Variants in BLTP3B observed in about 807,000 individuals in gnomAD.
The protein encoded by BLTP3B is bridge-like lipid transfer protein family member 3B.
the BLTP3B span, among the ~76,000 whole-genome samples, chr12:100,046,877 G>A: frequency 6.6e-6 from 1 of 152,106 alleles, no homozygotes; most frequent in Admixed American, 6.5e-5. Flanking sequence ...GAAGTGCAAG[G>A]TAAGTACCAT....
At chr12:100,058,866 T>C in the BLTP3B span, 1 of 1,613,856 alleles carries the variant, frequency 6.2e-7, no homozygotes. Flanking sequence ...GAGATGAATA[T>C]CTGCCTCTGA....
chr12:100,115,764 A>G, the BLTP3B span, among the ~76,000 whole-genome samples: 1 of 150,926 alleles, frequency 6.6e-6, no homozygotes, highest in Non-Finnish European at 1.5e-5. Context: ...CCTGTCTGGG[A>G]AAAAAAAACA....
At chr12:100,089,027 A>C in the BLTP3B span, 1 of 1,611,694 alleles carries the variant, frequency 6.2e-7, no homozygotes, top group Non-Finnish European at 8.5e-7. Flanking sequence ...CAATTGCATC[A>C]TTTACATCAG....
chr12:100,094,755 G>C, the BLTP3B span, among the ~76,000 whole-genome samples: 4 of 152,188 alleles, frequency 2.6e-5, no homozygotes, highest in Non-Finnish European at 5.9e-5. Context: ...AGCTACGCGG[G>C]GGGCTGAGGC....
At chr12:100,093,573 C>A in the BLTP3B span, among the ~76,000 whole-genome samples, 1 of 152,134 alleles carries the variant, frequency 6.6e-6, no homozygotes, top group Admixed American at 6.5e-5. Context: ...GTTTTTACCC[C>A]CTTCCTGTTC....
chr12:100,043,996 T>TA, the BLTP3B span, among the ~76,000 whole-genome samples: 3 of 152,172 alleles, frequency 2.0e-5, no homozygotes, highest in Admixed American at 2.0e-4. Flanking sequence ...GACTTTTTTT[T>TA]AAAGAACTAT....
chr12:100,092,736 T>A, the BLTP3B span: 1 of 178,828 alleles, frequency 5.6e-6, no homozygotes, highest in African/African-American at 2.4e-5. Flanking sequence ...AATCTATTAG[T>A]CTTTAACTAC....
At chr12:100,080,490 G>A in the BLTP3B span, among the ~76,000 whole-genome samples, 1 of 151,926 alleles carries the variant, frequency 6.6e-6, no homozygotes, top group Non-Finnish European at 1.5e-5. Context: ...TGTGAAACAT[G>A]GAGTCAAAGG....
At chr12:100,076,943 G>A in the BLTP3B span, among the ~76,000 whole-genome samples, 1 of 152,048 alleles carries the variant, frequency 6.6e-6, no homozygotes, top group East Asian at 1.9e-4. Flanking sequence ...TTTGTGTTTG[G>A]TGTGGTTGCG....
chr12:100,109,869 A>C, the BLTP3B span, among the ~76,000 whole-genome samples: 2 of 152,152 alleles, frequency 1.3e-5, no homozygotes, highest in Non-Finnish European at 2.9e-5. Context: ...TGACTATTTC[A>C]TTTAGTTCCC....
At chr12:100,097,873 T>C in the BLTP3B span, among the ~76,000 whole-genome samples, 2 of 152,136 alleles carry the variant, frequency 1.3e-5, no homozygotes, top group Admixed American at 6.6e-5. Context: ...AAAGATTTAC[T>C]AGAGTAAAGA....
chr12:100,048,473 T>C, the BLTP3B span, among the ~76,000 whole-genome samples: 1 of 152,026 alleles, frequency 6.6e-6, no homozygotes, highest in Non-Finnish European at 1.5e-5. Context: ...CCTCAGATAC[T>C]TAGTGTGTGT....
the BLTP3B span, among the ~76,000 whole-genome samples, chr12:100,112,438 T>A: frequency 2.0e-5 from 3 of 152,072 alleles, no homozygotes; most frequent in African/African-American, 7.2e-5. Context: ...GCCTGGGAGG[T>A]CAAGGCTGCA....
the BLTP3B span, chr12:100,037,415 A>T: frequency 7.8e-7 from 1 of 1,275,234 alleles, no homozygotes; most frequent in Non-Finnish European, 9.9e-7. Context: ...CAACAGCTTA[A>T]AAGAGGGTTA....
At chr12:100,051,038 T>C in the BLTP3B span, 1 of 1,601,126 alleles carries the variant, frequency 6.2e-7, no homozygotes, top group Non-Finnish European at 8.5e-7. Flanking sequence ...ATAAAGTTGG[T>C]GGCATTTATC....
the BLTP3B span, among the ~76,000 whole-genome samples, chr12:100,140,729 A>AATATATAT: frequency 1.5e-3 from 93 of 61,438 alleles, no homozygotes; most frequent in African/African-American, 2.7e-3. Flanking sequence ...AAAAAAAAAA[A>AATATATAT]ATATATATAT....
chr12:100,072,836 T>C, the BLTP3B span: 2 of 1,578,834 alleles, frequency 1.3e-6, no homozygotes, highest in South Asian at 1.2e-5. Flanking sequence ...ATAAGTTTAC[T>C]GAAATCACAC....
the BLTP3B span, chr12:100,039,786 G>C: frequency 6.2e-7 from 1 of 1,607,626 alleles, no homozygotes; most frequent in Non-Finnish European, 8.5e-7. Context: ...AAGCATGTGA[G>C]AATCTGATCA....
At chr12:100,044,073 C>CTGTT in the BLTP3B span, among the ~76,000 whole-genome samples, 1 of 151,986 alleles carries the variant, frequency 6.6e-6, no homozygotes, top group East Asian at 1.9e-4. Context: ...GCATTCTTTT[C>CTGTT]TGTTTGTTTG....
Sources: allele counts gnomAD v4.1 joint callset (sites outside exome capture counted in the v4.1 genomes callset), GRCh38; gene constraint gnomAD v4.1.1; transcripts MANE v1.5; gene names NCBI Gene and HGNC (gene_info 2026-07-23, HGNC 2026-07-21).